The following TMEM178B variants were observed in gnomAD, a reference collection of about 807,000 sequenced individuals.
TMEM178B encodes the protein transmembrane protein 178B.
TMEM178B carries 5 observed loss-of-function variants against 31.0 expected under a neutral mutation model. That is an observed-to-expected ratio of 0.16 (90% confidence interval 0.08 to 0.34). The LOEUF is 0.34. TMEM178B is among the 10% of genes least tolerant of loss of function. TMEM178B has a pLI of 1.00. For synonymous variants in TMEM178B, 164 were observed against 164.0 expected, an observed-to-expected ratio of 1.00 and a Z score of 0.00; for missense variants, 275 against 400.3, an observed-to-expected ratio of 0.69 and a Z score of 2.67.
rs543452357 is a variant in TMEM178B, at chr7:141,254,543, C to T, written c.496+41839C>T. Among the ~76,000 whole-genome samples the T allele has an allele frequency of 3.3e-5, 5 of 152,108 alleles. No homozygotes were observed. The East Asian group carries it at 7.7e-4, about 24-fold the overall frequency. On this transcript the variant is annotated intron_variant, in intron 2 of 3. Coordinates refer to ENST00000565468, the MANE Select transcript of TMEM178B (RefSeq NM_001195278.2). ...GACCAGCCCGGCTAACATGGTGACA[C>T]CCCATCTCTACTGAAAATACAAAAA...
chr7:141,243,315 G>A (rs889470266), intron 2 of TMEM178B, among the ~76,000 whole-genome samples: 11 of 152,054 alleles, frequency 7.2e-5, no homozygotes, highest in Admixed American at 6.5e-4. Context: ...GACTCCAACC[G>A]TTAACTTCTG....
At chr7:141,075,665 C>G (rs1794589580) in intron 1 of TMEM178B, among the ~76,000 whole-genome samples, 1 of 152,176 alleles carries the variant, frequency 6.6e-6, no homozygotes, top group African/African-American at 2.4e-5. Context: ...TAGCTACATC[C>G]TAGGAAGATG....
chr7:141,401,081 G>A (rs184864327), intron 2 of TMEM178B, among the ~76,000 whole-genome samples: 39 of 152,294 alleles, frequency 2.6e-4, no homozygotes, highest in African/African-American at 9.4e-4. Flanking sequence ...CTGATCTAGG[G>A]TAGCTATAGC....
intron 2 of TMEM178B, among the ~76,000 whole-genome samples, chr7:141,300,609 G>A (rs966802035): frequency 1.3e-5 from 2 of 151,924 alleles, no homozygotes; most frequent in East Asian, 1.9e-4. Context: ...TTAGTTTCTC[G>A]GATCCTCCCA....
chr7:141,413,564 C>A lies in TMEM178B; in HGVS notation c.497-24044C>A, dbSNP rs77553829. Among the ~76,000 whole-genome samples the A allele has an allele frequency of 8.8e-3, 1,344 of 152,310 alleles. 72 individuals carry two copies. The highest frequency in any genetic ancestry group is 0.079 in the Admixed American group (1,212 of 15,300). On this transcript the variant is annotated intron_variant, in intron 2 of 3. Coordinates refer to ENST00000565468, the MANE Select transcript of TMEM178B (RefSeq NM_001195278.2). ...ATCCTTTTTTCTGGCATTCTTGGGT[C>A]ATTTTCCTCTAAGTCAAGTCTTTCA...
chr7:141,253,022 T>C (rs936219291), intron 2 of TMEM178B, among the ~76,000 whole-genome samples: 1 of 152,214 alleles, frequency 6.6e-6, no homozygotes, highest in African/African-American at 2.4e-5. Context: ...GAGGTGGCAA[T>C]CTGTATGTGC....
intron 2 of TMEM178B, among the ~76,000 whole-genome samples, chr7:141,274,653 C>T (rs1394628462): frequency 6.6e-6 from 1 of 152,212 alleles, no homozygotes; most frequent in Non-Finnish European, 1.5e-5. Context: ...AATCCATGCC[C>T]TCAAGGGAAG....
At position 141,362,514 on chromosome 7, in the gene TMEM178B, T is replaced by TA. The variant is rs557506086; in HGVS notation, c.497-75086dup. On this transcript the variant is annotated intron_variant, in intron 2 of 3. Coordinates refer to ENST00000565468, the MANE Select transcript of TMEM178B (RefSeq NM_001195278.2). ...AGCATAACACATGCACTTTTTTTTT[T>TA]AAAAAAAAGACCTATTAATTGGTCA... is the stretch of plus-strand genomic sequence containing the variant. 2.5e-3 allele frequency among the ~76,000 whole-genome samples: 379 copies of TA among 150,404 alleles called. 2 individuals carry two copies. Among genetic ancestry groups the TA allele is most frequent in the African/African-American group, 8.8e-3 (355 of 40,304 alleles).
intron 1 of TMEM178B, among the ~76,000 whole-genome samples, chr7:141,178,705 G>A (rs1368718291): frequency 1.3e-5 from 2 of 152,152 alleles, no homozygotes; most frequent in African/African-American, 4.8e-5. Flanking sequence ...GCACTGAATG[G>A]CCCCAGGTTG....
At chr7:141,331,245 T>C (rs1799294180) in intron 2 of TMEM178B, among the ~76,000 whole-genome samples, 1 of 152,146 alleles carries the variant, frequency 6.6e-6, no homozygotes, top group African/African-American at 2.4e-5. Context: ...GAATAGATGA[T>C]AACACCAAGG....
At chr7:141,114,667 G>A (rs961745898) in intron 1 of TMEM178B, among the ~76,000 whole-genome samples, 11 of 152,328 alleles carry the variant, frequency 7.2e-5, no homozygotes, top group African/African-American at 2.2e-4. Context: ...ATGTGCCGGT[G>A]CACTGGCTTT....
At chr7:141,117,352 T>G (rs916263784) in intron 1 of TMEM178B, among the ~76,000 whole-genome samples, 1 of 152,164 alleles carries the variant, frequency 6.6e-6, no homozygotes, top group African/African-American at 2.4e-5. Flanking sequence ...GCCCACTTTT[T>G]GATGGTTTTT....
chr7:141,322,103 A>G (rs1229030659), intron 2 of TMEM178B, among the ~76,000 whole-genome samples: 2 of 152,166 alleles, frequency 1.3e-5, no homozygotes, highest in Non-Finnish European at 2.9e-5. Flanking sequence ...CATTCATCAT[A>G]CATCCTTACT....
chr7:141,322,319 G>A (rs961743697), intron 2 of TMEM178B, among the ~76,000 whole-genome samples: 12 of 151,044 alleles, frequency 7.9e-5, no homozygotes, highest in Non-Finnish European at 1.0e-4. Context: ...TTGAGGTCAG[G>A]AGTTCGAGAC....
At position 141,165,869 on chromosome 7, in the gene TMEM178B, T is replaced by C. The variant is rs1197605018; in HGVS notation, c.383-46722T>C. On this transcript the variant is annotated intron_variant, in intron 1 of 3. Transcript: ENST00000565468. ...TAATCACTGTGTCTCTCATAGGGTTTTTGTGAGATTAAGTGACTTTATGTA... is the reference window on the plus strand; with the variant it reads ...TAATCACTGTGTCTCTCATAGGGTTCTTGTGAGATTAAGTGACTTTATGTA... Among the ~76,000 whole-genome samples the C allele has an allele frequency of 2.6e-5, 4 of 152,306 alleles. No individual in the cohort carries two copies. In the East Asian group the frequency reaches 7.7e-4, roughly 29 times the overall value.
intron 1 of TMEM178B, among the ~76,000 whole-genome samples, chr7:141,085,883 G>C (rs540868098): frequency 2.6e-5 from 4 of 151,996 alleles, no homozygotes; most frequent in Admixed American, 6.6e-5. Context: ...TTATGAGCAC[G>C]TGAAGCCCAT....
chr7:141,455,215 T>A (rs1801942069), intron 3 of TMEM178B, among the ~76,000 whole-genome samples: 1 of 152,206 alleles, frequency 6.6e-6, no homozygotes, highest in Admixed American at 6.5e-5. Context: ...GGAGTCACCC[T>A]TCTACCTGAC....
intron 3 of TMEM178B, among the ~76,000 whole-genome samples, chr7:141,445,834 A>G (rs568946408): frequency 6.6e-6 from 1 of 152,298 alleles, no homozygotes; most frequent in Non-Finnish European, 1.5e-5. Flanking sequence ...TACCCTGCCA[A>G]TCTGCTTTTA....
intron 2 of TMEM178B, among the ~76,000 whole-genome samples, chr7:141,427,642 G>C (rs994158252): frequency 6.6e-5 from 10 of 152,094 alleles, no homozygotes; most frequent in Non-Finnish European, 8.8e-5. Context: ...CATTGGTCTG[G>C]GCAAGGATTT....
Sources: gnomAD v4.1 joint callset for allele counts (sites outside exome capture counted in the v4.1 genomes callset) on GRCh38, gnomAD v4.1.1 for gene constraint, MANE v1.5 for transcripts, NCBI Gene and HGNC (gene_info 2026-07-23, HGNC 2026-07-21) for gene names.